The following MGA variants were observed in gnomAD, a reference collection of about 807,000 sequenced individuals.
The protein encoded by MGA is MAX dimerization protein MGA, also known as MAX gene-associated protein.
Under a neutral mutation model 261.1 loss-of-function variants are expected in MGA, and 40 were observed. That is an observed-to-expected ratio of 0.15 (90% CI 0.12 to 0.20). The LOEUF (loss-of-function observed/expected upper bound fraction) is 0.20. Among genes scored for constraint, MGA ranks in the 10% least tolerant of loss-of-function variants. MGA has a pLI of 1.00. For missense variants in MGA, 3,397 were observed against 3,630.5 expected (o/e 0.94, Z 1.65); for synonymous variants, 1,302 against 1,290.6 (o/e 1.01, Z -0.19).
At chr15:41,647,279 C>G (rs1451746459) in intron 1 of MGA, among the ~76,000 whole-genome samples, 1 of 152,202 alleles carries the variant, frequency 6.6e-6, no homozygotes, top group East Asian at 1.9e-4. Flanking sequence ...CCCCACTTCT[C>G]TATGTGCTAC....
intron 1 of MGA, among the ~76,000 whole-genome samples, chr15:41,660,738 C>G (rs928797456): frequency 2.0e-5 from 3 of 152,176 alleles, no homozygotes; most frequent in African/African-American, 7.2e-5. Flanking sequence ...CGCGCGCGTC[C>G]CCGGCCTCAC....
intron 9 of MGA, among the ~76,000 whole-genome samples, chr15:41,724,702 C>T (rs2061134734): frequency 6.6e-6 from 1 of 152,020 alleles, no homozygotes; most frequent in Admixed American, 6.6e-5. Flanking sequence ...AAAAAACAAC[C>T]AGAAACATTG....
chr15:41,653,799 T>C (rs1247787271), intron 1 of MGA, among the ~76,000 whole-genome samples: 1 of 152,090 alleles, frequency 6.6e-6, no homozygotes, highest in Non-Finnish European at 1.5e-5. Context: ...CTCATATATG[T>C]GATATGCCTG....
rs371197072 is a variant in MGA, at chr15:41,696,440, C to G, written c.1430C>G (p.Thr477Ser). The G allele has an allele frequency of 3.7e-6, 6 of 1,613,924 alleles. No individual in the cohort carries two copies. The highest frequency in any genetic ancestry group is 4.2e-6 in the Non-Finnish European group (5 of 1,179,850). The change falls in exon 3 of 24, where the codon ACC (threonine) becomes AGC (serine). Residue 477 changes from threonine (T) to serine (S), a missense_variant. By Grantham distance (58) the Thr-to-Ser change is moderately conservative. Coordinates refer to ENST00000219905, the MANE Select transcript of MGA (RefSeq NM_001164273.2). ...GTCTATCTGGAGCCCTGTGCTGTCACCAGAAGCACAGTTAAGATTTCTGAA... is the reference window on the plus strand; with the variant it reads ...GTCTATCTGGAGCCCTGTGCTGTCAGCAGAAGCACAGTTAAGATTTCTGAA...
In MGA at chr15:41,729,183, A is replaced by G; in HGVS notation, c.3677A>G (p.Asp1226Gly). 6.2e-7 allele frequency: 1 copy of G among 1,613,792 alleles called. No homozygotes were observed. Among genetic ancestry groups the G allele is most frequent in the Non-Finnish European group, 8.5e-7 (1 of 1,179,804 alleles). ...TTACAGATTCGGGAAGAGGACAAAG[A>G]TCCAGTCTACTTGTACTTTGAAAGT... Residue 1226 changes from aspartate (D) to glycine (G), a missense_variant, in exon 11 of 24, where the codon GAT (aspartate) becomes GGT (glycine). Asp to Gly is a moderately conservative substitution (Grantham distance 94, BLOSUM62 -1). Around this residue, in one of 9 missense-constraint regions of MGA, gnomAD observed 519 missense variants for 554.1 expected, o/e 0.94. Transcript: ENST00000219905.
intron 7 of MGA, 136 bp from the exon 8 acceptor site, chr15:41,710,555 C>T: frequency 1.1e-6 from 1 of 884,658 alleles, no homozygotes; most frequent in Non-Finnish European, 1.7e-6. Context: ...GTGGGAGTCA[C>T]TGTGCCCAGC....
intron 9 of MGA, among the ~76,000 whole-genome samples, chr15:41,713,736 T>C (rs1002810501): frequency 6.6e-6 from 1 of 152,220 alleles, no homozygotes; most frequent in Non-Finnish European, 1.5e-5. Flanking sequence ...ATCATACTGT[T>C]ACTTGGTTTT....
intron 1 of MGA, among the ~76,000 whole-genome samples, chr15:41,642,587 G>C (rs7173431): frequency 7.9e-5 from 12 of 151,834 alleles, no homozygotes; most frequent in African/African-American, 2.9e-4. Flanking sequence ...AGGTTCAAGC[G>C]ATTCTCCTGT....
Position 41,766,479 on chromosome 15 carries a change from A to G in MGA, c.8397A>G (p.Ile2799Met). The G allele has an allele frequency of 6.2e-7, 1 of 1,614,038 alleles. No homozygotes were observed. Among genetic ancestry groups the G allele is most frequent in the Non-Finnish European group, 8.5e-7 (1 of 1,179,900 alleles). ...AACTGAGGAAAGTAACATCAGCTAT[A>G]GAGGAAGCAGCTCTTGATTCCAGTG... The change falls in exon 24 of 24, where the codon ATA (isoleucine) becomes ATG (methionine). Residue 2799 changes from isoleucine (I) to methionine (M), a missense_variant. Ile to Met is a conservative substitution (Grantham distance 10, BLOSUM62 1). Transcript: ENST00000219905.
At chr15:41,731,380 A>G (rs777870462) in intron 11 of MGA, among the ~76,000 whole-genome samples, 53 of 146,304 alleles carry the variant, frequency 3.6e-4, no homozygotes, top group Non-Finnish European at 6.5e-4. Flanking sequence ...TTGCCTTTTT[A>G]GTATATTTTA....
intron 8 of MGA, among the ~76,000 whole-genome samples, 162 bp from the exon 9 acceptor site, chr15:41,712,989 T>C (rs941734638): frequency 1.3e-5 from 2 of 152,246 alleles, no homozygotes; most frequent in Non-Finnish European, 2.9e-5. Flanking sequence ...GCAGATTGTT[T>C]AGAGCCCTGG....
intron 9 of MGA, among the ~76,000 whole-genome samples, chr15:41,719,842 A>G (rs1364137644): frequency 6.6e-6 from 1 of 152,216 alleles, no homozygotes; most frequent in African/African-American, 2.4e-5. Flanking sequence ...AGGGGTAGAA[A>G]TTTGATTTAG....
rs1477950895 is a variant in MGA at position 41,768,046 on chromosome 15, G to A, written c.*766G>A. On this transcript the variant is annotated 3_prime_UTR_variant, in exon 24 of 24. Transcript: ENST00000219905. The stretch of plus-strand genomic sequence containing the variant: ...ACTGGGAGTATATATTTTGGAGGTA[G>A]GCATAGAGGGAGCCCTACCCCTTCC... 1 of 152,516 alleles carries A rather than the reference G, an allele frequency of 6.6e-6. No individual in the cohort carries two copies. Among genetic ancestry groups the A allele is most frequent in the East Asian group, 1.9e-4 (1 of 5,192 alleles). 9.4% of individuals were successfully genotyped at this position (152,516 alleles called of 1,614,324 possible).
rs2063957055 is a variant in MGA at position 41,769,744 on chromosome 15, A to C, written c.*2464A>C. On this transcript the variant is annotated 3_prime_UTR_variant, in exon 24 of 24. Transcript: ENST00000219905. Reference sequence around the variant, plus strand: ...AGACCAATAATTCACCTTTTTATACATCTGTAAATAAATGGAATGTTTTTA... The same window carrying C: ...AGACCAATAATTCACCTTTTTATACCTCTGTAAATAAATGGAATGTTTTTA... The C allele has an allele frequency of 6.6e-6, 1 of 152,648 alleles. No individual in the cohort carries two copies. The highest frequency in any genetic ancestry group is 1.5e-5 in the Non-Finnish European group (1 of 68,038). The allele number at this position is 152,648 out of a possible 1,614,324, so 9.5% of individuals were successfully genotyped here.
intron 18 of MGA, among the ~76,000 whole-genome samples, chr15:41,755,401 T>G (rs79848426): frequency 0.013 from 2,022 of 152,308 alleles, 49 homozygotes; most frequent in African/African-American, 0.046. Context: ...TGGCTAAACT[T>G]GAAAGAATTT....
At chr15:41,718,301 G>GTGTATATATA (rs1256381241) in intron 9 of MGA, 2 of 186,390 alleles carry the variant, frequency 1.1e-5, no homozygotes, top group African/African-American at 5.1e-5. Flanking sequence ...GTGTGTGTGT[G>GTGTATATATA]TATATATATA....
chr15:41,710,794 T>G lies in MGA; in HGVS notation c.2529T>G (p.Gly843=). The G allele has an allele frequency of 6.2e-7, 1 of 1,613,792 alleles. No homozygotes were observed. Among genetic ancestry groups the G allele is most frequent in the Non-Finnish European group, 8.5e-7 (1 of 1,179,832 alleles). The change falls in exon 8 of 24, where the codon GGT becomes GGG. Residue 843 remains glycine (G), a synonymous_variant. Coordinates refer to ENST00000219905, the MANE Select transcript of MGA (RefSeq NM_001164273.2). ...GCAAGCTGATGGAAACAAGCATGGGTTTTTCTTCTAATGCTCCCACATCTC... is the reference window on the plus strand; with the variant it reads ...GCAAGCTGATGGAAACAAGCATGGGGTTTTCTTCTAATGCTCCCACATCTC...
Position 41,678,889 on chromosome 15 carries a change from C to T in MGA, c.1064+8931C>T, listed in dbSNP as rs548577603. 1.4e-4 allele frequency among the ~76,000 whole-genome samples: 21 copies of T among 152,072 alleles called. 1 individual carries two copies. The highest frequency in any genetic ancestry group is 4.1e-4 in the African/African-American group (17 of 41,480). ...ATTTCTCAGCTCTCTGTATTCTGTTCGCCTATATGTTTATGTTTATCTTTA... is the reference window on the plus strand; with the variant it reads ...ATTTCTCAGCTCTCTGTATTCTGTTTGCCTATATGTTTATGTTTATCTTTA... On this transcript the variant is annotated intron_variant, in intron 2 of 23. Transcript: ENST00000219905.
At chr15:41,667,306 G>T (rs904452558) in intron 1 of MGA, among the ~76,000 whole-genome samples, 2 of 151,828 alleles carry the variant, frequency 1.3e-5, no homozygotes, top group Non-Finnish European at 2.9e-5. Context: ...AAGTGCAGTG[G>T]TGCCATCTTG....
Sources: gnomAD v4.1 joint callset for allele counts (sites outside exome capture counted in the v4.1 genomes callset) on GRCh38, gnomAD v4.1.1 for gene constraint, gnomAD v4.1.1 regional missense constraint, MANE v1.5 for transcripts, NCBI Gene and HGNC (gene_info 2026-07-23, HGNC 2026-07-21) for gene names.